KLHL1: variants seen among roughly 807,000 people sequenced by gnomAD.
The protein encoded by KLHL1 is kelch-like protein 1.
A neutral mutation model predicts 77.7 loss-of-function variants in KLHL1; 47 were observed. The ratio of observed to expected loss-of-function variants is 0.60; its 90% CI spans 0.48 to 0.77. The LOEUF (loss-of-function observed/expected upper bound fraction) is 0.77, where lower values mean the gene tolerates loss of function less well. Ranked by LOEUF, KLHL1 falls within the 30% of genes least tolerant of loss-of-function variation. The probability of loss-of-function intolerance (pLI) is 0.00; values close to 1 mark genes in which losing one functional copy is unlikely to be tolerated. For missense variants in KLHL1, 925 were observed against 910.8 expected, an observed-to-expected ratio of 1.02 and a Z score of -0.20; for synonymous variants, 360 against 325.2, an observed-to-expected ratio of 1.11 and a Z score of -1.15.
chr13:69,983,406 T>TA (rs919306933), intron 1 of KLHL1, among the ~76,000 whole-genome samples: 1 of 151,506 alleles, frequency 6.6e-6, no homozygotes, highest in Non-Finnish European at 1.5e-5. Context: ...CCATTTTGAG[T>TA]AAAAAAGTAA....
chr13:69,749,775 G>T (rs998472193), intron 7 of KLHL1, among the ~76,000 whole-genome samples: 7 of 151,850 alleles, frequency 4.6e-5, no homozygotes, highest in Non-Finnish European at 7.4e-5. Context: ...TTTCTCTGAA[G>T]CTAATTGTTA....
At chr13:69,853,796 G>T (rs917463091) in intron 5 of KLHL1, among the ~76,000 whole-genome samples, 2 of 151,784 alleles carry the variant, frequency 1.3e-5, no homozygotes, top group African/African-American at 2.4e-5. Flanking sequence ...TTTTTGTTTT[G>T]TTTCATTTTT....
At chr13:69,746,981 T>C (rs74569481) in intron 7 of KLHL1, among the ~76,000 whole-genome samples, 2,114 of 152,174 alleles carry the variant, frequency 0.014, 26 homozygotes, top group Non-Finnish European at 0.021. Context: ...CAGCCCTAGC[T>C]GCCAGATTTC....
At chr13:69,984,827 G>A (rs1316751291) in intron 1 of KLHL1, among the ~76,000 whole-genome samples, 1 of 152,116 alleles carries the variant, frequency 6.6e-6, no homozygotes, top group African/African-American at 2.4e-5. Context: ...CTTCTGTGCA[G>A]GCTGGGCGTG....
At chr13:70,091,178 A>C (rs565461502) in intron 1 of KLHL1, among the ~76,000 whole-genome samples, 1 of 151,526 alleles carries the variant, frequency 6.6e-6, no homozygotes, top group East Asian at 1.9e-4. Flanking sequence ...TTTTTCCTCT[A>C]TCTTGTGATC....
At chr13:69,823,696 C>G (rs561412556) in intron 6 of KLHL1, among the ~76,000 whole-genome samples, 1 of 152,104 alleles carries the variant, frequency 6.6e-6, no homozygotes, top group East Asian at 1.9e-4. Context: ...CTGTAGGACT[C>G]TATTCCCCAC....
intron 8 of KLHL1, among the ~76,000 whole-genome samples, chr13:69,729,117 G>A (rs913870398): frequency 1.3e-5 from 2 of 152,134 alleles, no homozygotes; most frequent in African/African-American, 4.8e-5. Flanking sequence ...TGTCTATATT[G>A]TTTGGGGAAT....
At chr13:69,968,842 G>A (rs544631506) in intron 2 of KLHL1, among the ~76,000 whole-genome samples, 5 of 151,942 alleles carry the variant, frequency 3.3e-5, no homozygotes, top group African/African-American at 1.2e-4. Context: ...AAACCTGCAC[G>A]TTTTGCACAT....
chr13:70,085,486 C>T (rs1887513331), intron 1 of KLHL1, among the ~76,000 whole-genome samples: 1 of 152,050 alleles, frequency 6.6e-6, no homozygotes, highest in Admixed American at 6.5e-5. Context: ...TAAGACAGTG[C>T]TTATTTTAAA....
chr13:69,974,198 T>C (rs1008081827), intron 2 of KLHL1, among the ~76,000 whole-genome samples: 23 of 151,788 alleles, frequency 1.5e-4, no homozygotes, highest in Non-Finnish European at 3.2e-4. Context: ...AAAAACTAAT[T>C]TTTCGTATCC....
intron 2 of KLHL1, among the ~76,000 whole-genome samples, chr13:69,966,009 G>A (rs984584084): frequency 3.9e-5 from 6 of 152,164 alleles, no homozygotes; most frequent in African/African-American, 1.4e-4. Flanking sequence ...GAAGCAGCAA[G>A]TGGGTTGGTG....
At chr13:70,015,628 T>G (rs1885638585) in intron 1 of KLHL1, among the ~76,000 whole-genome samples, 1 of 152,092 alleles carries the variant, frequency 6.6e-6, no homozygotes, top group Admixed American at 6.6e-5. Flanking sequence ...TTGAATATTT[T>G]ATTATAAAAA....
intron 1 of KLHL1, among the ~76,000 whole-genome samples, chr13:70,073,662 A>G (rs1887190592): frequency 6.6e-6 from 1 of 152,018 alleles, no homozygotes; most frequent in Non-Finnish European, 1.5e-5. Context: ...CTGTGTTCTT[A>G]GCTGCTTGGG....
chr13:69,730,362 T>C (rs1050042397), intron 8 of KLHL1, among the ~76,000 whole-genome samples: 4 of 151,950 alleles, frequency 2.6e-5, no homozygotes, highest in Non-Finnish European at 5.9e-5. Context: ...TTCTCACCCA[T>C]ATTAGGCAAA....
chr13:69,714,020 AT>A (rs1875997789), intron 9 of KLHL1, among the ~76,000 whole-genome samples: 1 of 152,142 alleles, frequency 6.6e-6, no homozygotes, highest in African/African-American at 2.4e-5. Context: ...TCTATTTTAA[AT>A]GTGTAGTCTT....
rs193185906 is a variant in KLHL1 at position 70,091,439 on chromosome 13, C to T, written c.497+15764G>A. Among the ~76,000 whole-genome samples, 295 of 152,190 alleles carry T rather than the reference C, an allele frequency of 1.9e-3. 5 individuals are homozygous for T. The highest frequency in any genetic ancestry group is 9.7e-4 in the East Asian group (5 of 5,174). On this transcript the variant is annotated intron_variant, in intron 1 of 10. Transcript: ENST00000377844. ...CTACATAACTCATGTGTTGTTCTCT[C>T]AGCAAATAGTCATCTACCTGGGACC...
At chr13:69,781,776 G>C (rs1404296082) in intron 7 of KLHL1, among the ~76,000 whole-genome samples, 1 of 152,010 alleles carries the variant, frequency 6.6e-6, no homozygotes, top group Non-Finnish European at 1.5e-5. Context: ...GCTCTGTGTT[G>C]TACTTTAGAT....
chr13:69,803,586 A>G (rs1877486646), intron 6 of KLHL1, among the ~76,000 whole-genome samples: 2 of 152,352 alleles, frequency 1.3e-5, no homozygotes, highest in African/African-American at 4.8e-5. Flanking sequence ...TGACTTTAAA[A>G]TAGGAATAAT....
At chr13:69,705,293 A>G (rs1472311064) in intron 10 of KLHL1, among the ~76,000 whole-genome samples, 1 of 151,686 alleles carries the variant, frequency 6.6e-6, no homozygotes. Flanking sequence ...ACATACATAG[A>G]TACACACGTG....
Sources: allele counts gnomAD v4.1 joint callset (sites outside exome capture counted in the v4.1 genomes callset), GRCh38; gene constraint gnomAD v4.1.1; transcripts MANE v1.5; gene names NCBI Gene and HGNC (gene_info 2026-07-23, HGNC 2026-07-21).